SLC26A7: variants seen among roughly 807,000 people sequenced by gnomAD.
SLC26A7 encodes the protein anion exchange transporter.
Under a neutral mutation model 82.5 loss-of-function variants are expected in SLC26A7, and 59 were observed. That is an observed-to-expected ratio of 0.72 (90% CI 0.58 to 0.89). SLC26A7 has a LOEUF of 0.89. Ranked by LOEUF, SLC26A7 falls within the 40% of genes least tolerant of loss-of-function variation. The probability of loss-of-function intolerance (pLI) is 0.00; values close to 1 mark genes in which losing one functional copy is unlikely to be tolerated. For missense variants in SLC26A7, 820 were observed against 793.0 expected (o/e 1.03, Z -0.41); for synonymous variants, 271 against 274.3 (o/e 0.99, Z 0.12).
chr8:91,287,424 G>T (rs779829338), intron 2 of SLC26A7, among the ~76,000 whole-genome samples: 27 of 152,196 alleles, frequency 1.8e-4, no homozygotes, highest in Non-Finnish European at 3.1e-4. Flanking sequence ...GCTGCTTCCA[G>T]CTTTATGTTA....
At chr8:91,388,282 T>C (rs563898685) in intron 15 of SLC26A7, among the ~76,000 whole-genome samples, 2 of 150,920 alleles carry the variant, frequency 1.3e-5, no homozygotes, top group African/African-American at 2.4e-5. Flanking sequence ...AGTCTCGCTC[T>C]GTTGCCCAGG....
At chr8:91,276,034 G>A in intron 2 of SLC26A7, among the ~76,000 whole-genome samples, 1 of 152,144 alleles carries the variant, frequency 6.6e-6, no homozygotes, top group East Asian at 1.9e-4. Flanking sequence ...CCCTTTCAGA[G>A]CATGATGGCT....
intron 4 of SLC26A7, among the ~76,000 whole-genome samples, chr8:91,296,523 AGTT>A (rs1812021736): frequency 6.6e-6 from 1 of 152,164 alleles, no homozygotes; most frequent in Non-Finnish European, 1.5e-5. Context: ...GGCGAAAAAT[AGTT>A]GATGATTGGC....
chr8:91,327,851 T>C (rs1812975157), intron 5 of SLC26A7, among the ~76,000 whole-genome samples: 3 of 152,146 alleles, frequency 2.0e-5, no homozygotes, highest in African/African-American at 7.2e-5. Context: ...GTGTTGTTTT[T>C]AGTGTAGAAA....
chr8:91,276,142 C>T (rs1187261238), intron 2 of SLC26A7, among the ~76,000 whole-genome samples: 1 of 152,064 alleles, frequency 6.6e-6, no homozygotes, highest in Non-Finnish European at 1.5e-5. Context: ...AATTCTGTCA[C>T]TTTATGGCCA....
intron 2 of SLC26A7, among the ~76,000 whole-genome samples, chr8:91,221,530 T>C (rs1810160326): frequency 6.6e-6 from 1 of 152,216 alleles, no homozygotes; most frequent in Admixed American, 6.5e-5. Context: ...CTTTAATCCA[T>C]CTTGAGTTAG....
chr8:91,311,444 C>T (rs986963973), intron 4 of SLC26A7, among the ~76,000 whole-genome samples: 2 of 151,796 alleles, frequency 1.3e-5, no homozygotes, highest in Non-Finnish European at 2.9e-5. Flanking sequence ...TATATATATA[C>T]ACACACTCAC....
At chr8:91,227,246 G>A (rs567230582) in intron 2 of SLC26A7, among the ~76,000 whole-genome samples, 2 of 152,272 alleles carry the variant, frequency 1.3e-5, no homozygotes, top group African/African-American at 2.4e-5. Context: ...ATAACTTCTT[G>A]TGAATTATCT....
intron 15 of SLC26A7, among the ~76,000 whole-genome samples, chr8:91,380,323 A>G (rs1276204299): frequency 6.6e-6 from 1 of 152,110 alleles, no homozygotes; most frequent in Admixed American, 6.6e-5. Context: ...TAGTAATGGT[A>G]CCCAACTCTA....
rs150185499 is a variant in SLC26A7 at position 91,346,736 on chromosome 8, A to G, written c.1140+3270A>G. 1.7e-4 allele frequency among the ~76,000 whole-genome samples: 26 copies of G among 152,282 alleles called. No homozygotes were observed. In the East Asian group the frequency reaches 4.8e-3, roughly 28 times the overall value. ...TTTGCGTGGGTCTTAGAATTCAGAC[A>G]TTTCTGCTGTCTACCAGGCGCTGAG... On this transcript the variant is annotated intron_variant, in intron 9 of 18. Transcript: ENST00000276609.
intron 11 of SLC26A7, among the ~76,000 whole-genome samples, chr8:91,361,762 A>G (rs1047246050): frequency 6.6e-6 from 1 of 152,148 alleles, no homozygotes; most frequent in Non-Finnish European, 1.5e-5. Flanking sequence ...CCCCAAAACT[A>G]AGTTGGCCCT....
At chr8:91,371,849 C>A (rs149750152) in intron 15 of SLC26A7, among the ~76,000 whole-genome samples, 2 of 151,968 alleles carry the variant, frequency 1.3e-5, no homozygotes, top group African/African-American at 4.8e-5. Flanking sequence ...AATTTACATT[C>A]CCACCTACAG....
chr8:91,291,278 A>G (rs1464256623), intron 3 of SLC26A7, among the ~76,000 whole-genome samples: 2 of 152,212 alleles, frequency 1.3e-5, no homozygotes, highest in Non-Finnish European at 1.5e-5. Flanking sequence ...TCACAGGTGC[A>G]TGGATTGCAA....
At chr8:91,257,889 A>C (rs1810848673) in intron 2 of SLC26A7, among the ~76,000 whole-genome samples, 1 of 152,106 alleles carries the variant, frequency 6.6e-6, no homozygotes, top group Admixed American at 6.6e-5. Flanking sequence ...TGATTGACTC[A>C]ACAGTTCCAC....
At chr8:91,235,397 T>A (rs1477556333) in intron 2 of SLC26A7, among the ~76,000 whole-genome samples, 1 of 152,198 alleles carries the variant, frequency 6.6e-6, no homozygotes, top group Non-Finnish European at 1.5e-5. Flanking sequence ...TTAAAGAATC[T>A]GGTATGCAGT....
intron 3 of SLC26A7, among the ~76,000 whole-genome samples, chr8:91,290,095 T>C (rs1387470938): frequency 6.6e-6 from 1 of 152,168 alleles, no homozygotes; most frequent in Non-Finnish European, 1.5e-5. Flanking sequence ...TAAAGTTAGC[T>C]ATTATTATTA....
chr8:91,216,431 C>T (rs758094227), intron 1 of SLC26A7, among the ~76,000 whole-genome samples: 1 of 152,146 alleles, frequency 6.6e-6, no homozygotes, highest in Non-Finnish European at 1.5e-5. Context: ...AATCAGATGT[C>T]GAACTTGTTT....
intron 1 of SLC26A7, among the ~76,000 whole-genome samples, chr8:91,218,386 G>A (rs981438959): frequency 1.2e-5 from 1 of 80,612 alleles, no homozygotes; most frequent in Non-Finnish European, 2.6e-5. Context: ...TTTAATTCAT[G>A]TATTAGGCAA....
intron 11 of SLC26A7, among the ~76,000 whole-genome samples, chr8:91,356,098 T>C (rs1221628122): frequency 2.6e-5 from 4 of 152,240 alleles, no homozygotes; most frequent in Admixed American, 6.5e-5. Context: ...ATGGTGTACA[T>C]GTGCCACATT....
Sources: allele counts gnomAD v4.1 joint callset (sites outside exome capture counted in the v4.1 genomes callset), GRCh38; gene constraint gnomAD v4.1.1; transcripts MANE v1.5; gene names NCBI Gene and HGNC (gene_info 2026-07-23, HGNC 2026-07-21).